PKP2: variants seen among roughly 807,000 people sequenced by gnomAD.
The protein encoded by PKP2 is plakophilin 2.
In PKP2, 73 loss-of-function variants were observed where a neutral mutation model predicts 83.4. That is an observed-to-expected ratio of 0.88 (90% confidence interval 0.72 to 1.06). The LOEUF (loss-of-function observed/expected upper bound fraction) is 1.06, where lower values mean the gene tolerates loss of function less well. PKP2 is among the 50% of genes least tolerant of loss of function. The probability of loss-of-function intolerance (pLI) is 0.00; values close to 1 mark genes in which losing one functional copy is unlikely to be tolerated. For missense variants in PKP2, 966 were observed against 1,065.4 expected, an observed-to-expected ratio of 0.91 and a Z score of 1.30; for synonymous variants, 409 against 430.4, an observed-to-expected ratio of 0.95 and a Z score of 0.62.
intron 9 of PKP2, among the ~76,000 whole-genome samples, chr12:32,815,323 T>G (rs577957338): frequency 6.6e-6 from 1 of 152,326 alleles, no homozygotes; most frequent in Admixed American, 6.5e-5. Flanking sequence ...GCCTGACATT[T>G]TCTTTCATTT....
chr12:32,894,642 C>T (rs900591116), intron 1 of PKP2: 2 of 152,186 alleles, frequency 1.3e-5, no homozygotes, highest in African/African-American at 4.8e-5. Context: ...GGCTCCATTC[C>T]CTCCATTTAT....
Position 32,888,639 on chromosome 12 carries a change from G to A in PKP2, c.223+7870C>T, listed in dbSNP as rs112529446. Among the ~76,000 whole-genome samples, 17 of 136,318 alleles carry A rather than the reference G, an allele frequency of 1.2e-4. No individual in the cohort carries two copies. The Middle Eastern group carries it at 0.011, about 89-fold the overall frequency. 89.4% of individuals were successfully genotyped at this position (136,318 alleles called of 152,430 possible). On this transcript the variant is annotated intron_variant, in intron 1 of 12. Coordinates refer to ENST00000340811, the MANE Select transcript of PKP2 (RefSeq NM_001005242.3). Reference sequence around the variant, plus strand: ...CAAGTAGCTGGGATTACAGGCATGCGCCACCACGCCCAGCTTATTTTTTCT... The same window carrying A: ...CAAGTAGCTGGGATTACAGGCATGCACCACCACGCCCAGCTTATTTTTTCT...
chr12:32,891,673 C>T (rs966789263), intron 1 of PKP2, among the ~76,000 whole-genome samples: 3 of 152,146 alleles, frequency 2.0e-5, no homozygotes, highest in African/African-American at 7.2e-5. Context: ...CCTAAATGAA[C>T]AGTCTTCCTT....
At chr12:32,810,021 C>T (rs765805113) in intron 9 of PKP2, among the ~76,000 whole-genome samples, 44 of 152,174 alleles carry the variant, frequency 2.9e-4, no homozygotes, top group Non-Finnish European at 5.1e-4. Context: ...CTCTTGGCCC[C>T]CATCTCAACA....
At chr12:32,880,788 T>TTTG (rs1555148449) in intron 1 of PKP2, among the ~76,000 whole-genome samples, 4 of 151,410 alleles carry the variant, frequency 2.6e-5, no homozygotes, top group African/African-American at 9.7e-5. Context: ...CTCTCAGCTT[T>TTTG]TTTTGAGTTT....
At chr12:32,884,089 T>G (rs1843264507) in intron 1 of PKP2, among the ~76,000 whole-genome samples, 1 of 152,174 alleles carries the variant, frequency 6.6e-6, no homozygotes, top group Non-Finnish European at 1.5e-5. Context: ...CCTTGCTAAA[T>G]TCCCTCAGTT....
intron 11 of PKP2, among the ~76,000 whole-genome samples, chr12:32,793,698 C>T (rs1027644084): frequency 2.2e-5 from 3 of 139,276 alleles, no homozygotes; most frequent in Admixed American, 8.0e-5. Context: ...CAGGTTCAAG[C>T]GATTCTCCTG....
At position 32,792,698 on chromosome 12, in the gene PKP2, G is replaced by A. The variant is rs772225819; in HGVS notation, c.2391C>T (p.Ser797=). 9 of 1,614,028 alleles carry A rather than the reference G, an allele frequency of 5.6e-6. No individual in the cohort carries two copies. The highest frequency in any genetic ancestry group is 1.3e-5 in the African/African-American group (1 of 74,992). ...YASNKASKAA[S]VLLYSLWAHT... ...GTGCCCACAGAGAATACAGAAGGAC[G>A]GAAGCAGCTTTACTTGCTTTGTTGG... Residue 797 remains serine (S), a synonymous_variant, in exon 12 of 13, where the codon TCC becomes TCT. Transcript: ENST00000340811.
rs1222272381 is a variant in PKP2, at chr12:32,821,353, C to T, written c.2013+3G>A. On this transcript the variant is annotated splice_donor_region_variant and intron_variant, in intron 9 of 12. Coordinates refer to ENST00000340811, the MANE Select transcript of PKP2 (RefSeq NM_001005242.3). Reference sequence around the variant, plus strand: ...AAAGTAGGAAATCAGGCCCAATACTCACTGGTCCACTTCCGGCCGTGAGGT... The same window carrying T: ...AAAGTAGGAAATCAGGCCCAATACTTACTGGTCCACTTCCGGCCGTGAGGT... The T allele has an allele frequency of 4.3e-6, 7 of 1,613,336 alleles. No homozygotes were observed. The highest frequency in any genetic ancestry group is 5.9e-6 in the Non-Finnish European group (7 of 1,179,446).
At chr12:32,847,946 C>CA (rs1189579191) in intron 5 of PKP2, among the ~76,000 whole-genome samples, 1 of 151,938 alleles carries the variant, frequency 6.6e-6, no homozygotes. Context: ...AAAACAAAAA[C>CA]AAAAAAACCC....
At chr12:32,834,650 T>G (rs188963958) in intron 6 of PKP2, among the ~76,000 whole-genome samples, 66 of 152,230 alleles carry the variant, frequency 4.3e-4, no homozygotes, top group Non-Finnish European at 1.3e-4. Context: ...GCATTTTAAT[T>G]TATTACCTCT....
intron 1 of PKP2, among the ~76,000 whole-genome samples, chr12:32,883,974 T>G (rs1957008008): frequency 2.6e-5 from 4 of 152,104 alleles, no homozygotes; most frequent in Admixed American, 2.6e-4. Flanking sequence ...CCATATAAAA[T>G]CAAGCTGACC....
chr12:32,879,738 G>A (rs1286492189), intron 1 of PKP2, among the ~76,000 whole-genome samples: 2 of 151,458 alleles, frequency 1.3e-5, no homozygotes, highest in Non-Finnish European at 2.9e-5. Flanking sequence ...GCTGTGGCAG[G>A]AGAATCGCTT....
chr12:32,830,083 T>C (rs946649842), intron 6 of PKP2, among the ~76,000 whole-genome samples: 3 of 152,240 alleles, frequency 2.0e-5, no homozygotes, highest in Non-Finnish European at 4.4e-5. Flanking sequence ...GTAAATTATA[T>C]GGTAAGACTC....
intron 9 of PKP2, among the ~76,000 whole-genome samples, chr12:32,819,289 AATACAATACAATACAATACAATAC>A (rs1565579759): frequency 0.013 from 1,896 of 145,878 alleles, 33 homozygotes; most frequent in African/African-American, 0.027. Flanking sequence ...AAATAAATAC[AATACAATACAATACAATACAATAC>A]AATAAAATAA....
intron 3 of PKP2, among the ~76,000 whole-genome samples, chr12:32,870,835 G>A (rs1422735122): frequency 1.3e-5 from 2 of 152,084 alleles, no homozygotes; most frequent in Admixed American, 1.3e-4. Flanking sequence ...ACTCAGGAAA[G>A]TTTGAATTTC....
At chr12:32,845,212 T>C (rs575856265) in intron 5 of PKP2, among the ~76,000 whole-genome samples, 1 of 152,254 alleles carries the variant, frequency 6.6e-6, no homozygotes, top group Non-Finnish European at 1.5e-5. Flanking sequence ...TTGTAAAAAA[T>C]AGCTAACCAG....
At chr12:32,872,883 T>A (rs1472032821) in intron 3 of PKP2, among the ~76,000 whole-genome samples, 1 of 152,028 alleles carries the variant, frequency 6.6e-6, no homozygotes, top group Non-Finnish European at 1.5e-5. Flanking sequence ...ACTGGGCTGT[T>A]AAAAATGGAA....
intron 6 of PKP2, among the ~76,000 whole-genome samples, chr12:32,828,228 G>T (rs1240942341): frequency 1.3e-5 from 2 of 152,168 alleles, no homozygotes; most frequent in Non-Finnish European, 2.9e-5. Flanking sequence ...GGGGATTCAG[G>T]TGTTTTATCA....
Sources: gnomAD v4.1 joint callset for allele counts (sites outside exome capture counted in the v4.1 genomes callset) on GRCh38, gnomAD v4.1.1 for gene constraint, MANE v1.5 for transcripts, NCBI Gene and HGNC (gene_info 2026-07-23, HGNC 2026-07-21) for gene names.